TRAPPC9: variants seen among roughly 807,000 people sequenced by gnomAD.
The protein encoded by TRAPPC9 is IKK2 binding protein.
Under a neutral mutation model 124.0 loss-of-function variants are expected in TRAPPC9, and 83 were observed. The ratio of observed to expected loss-of-function variants is 0.67; its 90% CI spans 0.56 to 0.80. The LOEUF is 0.80. TRAPPC9 is among the 30% of genes least tolerant of loss of function. The pLI is 0.00. For missense variants in TRAPPC9, 1,302 were observed against 1,508.3 expected (o/e 0.86, Z 2.27); for synonymous variants, 638 against 617.5 (o/e 1.03, Z -0.49).
At chr8:140,032,662 A>G (rs569785925) in intron 17 of TRAPPC9, among the ~76,000 whole-genome samples, 2 of 152,342 alleles carry the variant, frequency 1.3e-5, no homozygotes, top group South Asian at 4.1e-4. Flanking sequence ...GTTGTTTTCA[A>G]TATTTTGTTA....
At chr8:140,438,990 T>C in intron 3 of TRAPPC9, 62 bp downstream of exon 3, 1 of 1,609,472 alleles carries the variant, frequency 6.2e-7, no homozygotes, top group Non-Finnish European at 8.5e-7. Flanking sequence ...GCACCCAGCC[T>C]CTCATTTTAA....
chr8:140,294,765 GC>G (rs34570375), intron 11 of TRAPPC9, among the ~76,000 whole-genome samples: 56,867 of 151,478 alleles, frequency 0.38, 11,112 homozygotes, highest in Middle Eastern at 0.49. Context: ...GCGCCACCAT[GC>G]CCGGCTAAAT....
chr8:139,789,943 G>A (rs4736094), intron 21 of TRAPPC9, among the ~76,000 whole-genome samples: 84,820 of 151,948 alleles, frequency 0.56, 23,895 homozygotes, highest in Non-Finnish European at 0.58. Context: ...TCGGGCTCCC[G>A]TCCCGGTGCG....
At chr8:140,064,885 C>A (rs1842827648) in intron 17 of TRAPPC9, among the ~76,000 whole-genome samples, 1 of 152,108 alleles carries the variant, frequency 6.6e-6, no homozygotes. Context: ...AGGCCTCTAC[C>A]CATCCAAGTC....
intron 11 of TRAPPC9, 37 bp downstream of exon 11, chr8:140,300,432 G>A: frequency 2.5e-6 from 4 of 1,613,666 alleles, no homozygotes; most frequent in Non-Finnish European, 1.7e-6. Flanking sequence ...AAATCAGGTG[G>A]CAGAGCACGG....
At chr8:139,818,760 A>G (rs1302598104) in intron 21 of TRAPPC9, among the ~76,000 whole-genome samples, 1 of 152,208 alleles carries the variant, frequency 6.6e-6, no homozygotes, top group Non-Finnish European at 1.5e-5. Context: ...ATTCCTGACA[A>G]TGTGAGCTGT....
chr8:139,803,371 G>A (rs1042783014), intron 21 of TRAPPC9, among the ~76,000 whole-genome samples: 1 of 152,218 alleles, frequency 6.6e-6, no homozygotes, highest in African/African-American at 2.4e-5. Flanking sequence ...ATTTGACTCT[G>A]CCACTGCCTA....
chr8:140,107,250 G>A (rs2060684049), intron 17 of TRAPPC9, among the ~76,000 whole-genome samples: 1 of 152,162 alleles, frequency 6.6e-6, no homozygotes, highest in Non-Finnish European at 1.5e-5. Context: ...AGCACTTACT[G>A]TCTGTACAAG....
chr8:139,747,027 T>A (rs1818943850), intron 21 of TRAPPC9, among the ~76,000 whole-genome samples: 1 of 152,240 alleles, frequency 6.6e-6, no homozygotes, highest in Non-Finnish European at 1.5e-5. Context: ...AAAATATGCC[T>A]GCTGGCTGGA....
intron 15 of TRAPPC9, among the ~76,000 whole-genome samples, chr8:140,262,935 T>G (rs2064479818): frequency 2.0e-5 from 3 of 152,326 alleles, no homozygotes. Context: ...AGGGACAGAC[T>G]TGGGGATGCA....
chr8:139,878,390 C>T lies in TRAPPC9; in HGVS notation c.3055+7489G>A, dbSNP rs115105284. ...GGATAGGGAAAGGCTGTTTTTTTAT[C>T]TATGTTTTCTGATTGTCTCTCATCT... On this transcript the variant is annotated intron_variant, in intron 21 of 22. Coordinates refer to ENST00000438773, the MANE Select transcript of TRAPPC9 (RefSeq NM_001160372.4). Among the ~76,000 whole-genome samples, 459 of 152,254 alleles carry T rather than the reference C, an allele frequency of 3.0e-3. 4 individuals are homozygous for T. The highest frequency in any genetic ancestry group is 0.01 in the African/African-American group (426 of 41,568).
At chr8:140,365,261 A>T (rs1296907151) in intron 8 of TRAPPC9, among the ~76,000 whole-genome samples, 2 of 152,046 alleles carry the variant, frequency 1.3e-5, no homozygotes, top group African/African-American at 4.8e-5. Flanking sequence ...GGCACACAGG[A>T]CTCAGGGACA....
intron 21 of TRAPPC9, among the ~76,000 whole-genome samples, chr8:139,764,399 C>G (rs1278231046): frequency 1.3e-5 from 2 of 152,094 alleles, no homozygotes; most frequent in Non-Finnish European, 2.9e-5. Context: ...AAAGAAAGAC[C>G]AGGGAGCAGG....
Position 140,170,289 on chromosome 8 carries a change from C to T in TRAPPC9, c.2556+51170G>A, listed in dbSNP as rs73362961. ...GCTATGCTAGGCACCCTCCATAATC[C>T]TGAAATCACTCTACCAAAGGAGACA... On this transcript the variant is annotated intron_variant, in intron 17 of 22. Transcript: ENST00000438773. Among the ~76,000 whole-genome samples the T allele has an allele frequency of 8.3e-3, 1,264 of 152,246 alleles. 18 individuals are homozygous for T. Among genetic ancestry groups the T allele is most frequent in the African/African-American group, 0.029 (1,210 of 41,534 alleles).
At chr8:140,303,396 TTAA>T (rs1336302991) in intron 10 of TRAPPC9, among the ~76,000 whole-genome samples, 2 of 152,144 alleles carry the variant, frequency 1.3e-5, no homozygotes, top group Non-Finnish European at 2.9e-5. Flanking sequence ...TTACAGTGTG[TTAA>T]TAATCTACAC....
At chr8:139,756,297 G>C (rs56098619) in intron 21 of TRAPPC9, among the ~76,000 whole-genome samples, 259 of 75,794 alleles carry the variant, frequency 3.4e-3, no homozygotes, top group South Asian at 0.014. Flanking sequence ...GACAGCAGGT[G>C]GCAGGAGGAG....
intron 21 of TRAPPC9, among the ~76,000 whole-genome samples, chr8:139,744,181 C>A (rs1818741162): frequency 6.6e-6 from 1 of 152,292 alleles, no homozygotes; most frequent in South Asian, 2.1e-4. Flanking sequence ...CATTTTATTT[C>A]AACTCTTTAT....
intron 21 of TRAPPC9, among the ~76,000 whole-genome samples, chr8:139,739,775 C>G (rs1340287762): frequency 6.6e-6 from 1 of 152,246 alleles, no homozygotes; most frequent in East Asian, 1.9e-4. Context: ...GTTAACTACC[C>G]GTGTTCCTCC....
At chr8:140,309,862 TGAG>T (rs1211701183) in intron 10 of TRAPPC9, among the ~76,000 whole-genome samples, 1 of 152,192 alleles carries the variant, frequency 6.6e-6, no homozygotes, top group Non-Finnish European at 1.5e-5. Context: ...CTGGACATTC[TGAG>T]GAGCAGCCAC....
Sources: allele counts gnomAD v4.1 joint callset (sites outside exome capture counted in the v4.1 genomes callset), GRCh38; gene constraint gnomAD v4.1.1; transcripts MANE v1.5; gene names NCBI Gene and HGNC (gene_info 2026-07-23, HGNC 2026-07-21).